Variants in MPP7 observed in about 807,000 individuals in gnomAD.
MPP7 encodes the protein MAGUK p55 subfamily member 7.
A neutral mutation model predicts 76.5 loss-of-function variants in MPP7; 60 were observed. That is an observed-to-expected ratio of 0.78 (90% CI 0.64 to 0.97). The LOEUF (loss-of-function observed/expected upper bound fraction) is 0.97. Among genes scored for constraint, MPP7 ranks in the 50% least tolerant of loss-of-function variants. MPP7 has a pLI of 0.00. For missense variants in MPP7, 641 were observed against 694.0 expected (o/e 0.92, Z 0.86); for synonymous variants, 237 against 244.5 (o/e 0.97, Z 0.29).
At chr10:28,120,975 C>A (rs1009680992) in intron 8 of MPP7, among the ~76,000 whole-genome samples, 2 of 152,134 alleles carry the variant, frequency 1.3e-5, no homozygotes, top group Admixed American at 6.5e-5. Flanking sequence ...AAAATATGCA[C>A]AACACCTTAA....
At chr10:28,334,031 A>G (rs116401091) in intron 1 of MPP7, among the ~76,000 whole-genome samples, 1,692 of 152,194 alleles carry the variant, frequency 0.011, 37 homozygotes, top group African/African-American at 0.039. Context: ...TGTCTCTAGT[A>G]AAACAAAAAA....
At chr10:28,283,495 C>T (rs12355677) in intron 1 of MPP7, among the ~76,000 whole-genome samples, 14,911 of 152,006 alleles carry the variant, frequency 0.098, 926 homozygotes, top group South Asian at 0.16. Flanking sequence ...CAAGTTCATA[C>T]CACTCTATTA....
chr10:28,192,689 T>A (rs1409519485), intron 3 of MPP7, among the ~76,000 whole-genome samples: 4 of 152,206 alleles, frequency 2.6e-5, no homozygotes, highest in Non-Finnish European at 5.9e-5. Context: ...TACTAAGATG[T>A]CATCTCTTCA....
intron 3 of MPP7, among the ~76,000 whole-genome samples, chr10:28,152,449 T>C (rs925001013): frequency 6.6e-6 from 1 of 152,178 alleles, no homozygotes; most frequent in African/African-American, 2.4e-5. Context: ...CTATTTATGA[T>C]AACCAAAAGA....
intron 2 of MPP7, among the ~76,000 whole-genome samples, chr10:28,316,070 G>C (rs926261996): frequency 2.6e-5 from 4 of 152,154 alleles, no homozygotes; most frequent in African/African-American, 9.7e-5. Flanking sequence ...ATAGTTTAAA[G>C]AGACATGACA....
intron 12 of MPP7, among the ~76,000 whole-genome samples, chr10:28,086,430 T>C (rs1191381834): frequency 6.6e-6 from 1 of 152,194 alleles, no homozygotes; most frequent in Non-Finnish European, 1.5e-5. Context: ...ACAGGGCAAC[T>C]GAAGTGCATA....
intron 1 of MPP7, among the ~76,000 whole-genome samples, chr10:28,239,647 C>T (rs914317212): frequency 6.6e-6 from 1 of 152,098 alleles, no homozygotes; most frequent in East Asian, 1.9e-4. Context: ...AAAAACTAAC[C>T]TTTGCTTTAT....
At chr10:28,121,475 A>T (rs1390978105) in intron 8 of MPP7, among the ~76,000 whole-genome samples, 1 of 152,072 alleles carries the variant, frequency 6.6e-6, no homozygotes, top group Non-Finnish European at 1.5e-5. Flanking sequence ...TATCCAACGT[A>T]ATAGATTAAT....
intron 2 of MPP7, among the ~76,000 whole-genome samples, chr10:28,208,820 T>C (rs1838032799): frequency 6.6e-6 from 1 of 152,192 alleles, no homozygotes; most frequent in African/African-American, 2.4e-5. Flanking sequence ...TTTATGTATG[T>C]ACATATGAGG....
chr10:28,158,562 T>A (rs1355001031), intron 3 of MPP7, among the ~76,000 whole-genome samples: 3 of 152,196 alleles, frequency 2.0e-5, no homozygotes, highest in African/African-American at 7.2e-5. Context: ...GCAGACTAGC[T>A]GATTTTCCTT....
At chr10:28,205,719 G>A (rs1007890980) in intron 2 of MPP7, among the ~76,000 whole-genome samples, 2 of 152,096 alleles carry the variant, frequency 1.3e-5, no homozygotes, top group African/African-American at 4.8e-5. Flanking sequence ...CAAGGGAAGT[G>A]GTCAATTCCT....
rs145582583 is a variant in MPP7, at chr10:28,203,949, C to T, written c.38-1678G>A. Among the ~76,000 whole-genome samples the T allele has an allele frequency of 4.1e-3, 627 of 152,304 alleles. 4 individuals carry two copies. The highest frequency in any genetic ancestry group is 0.014 in the African/African-American group (593 of 41,574). The stretch of plus-strand genomic sequence containing the variant: ...CACATAAAAAGTACTCAATACATTT[C>T]ACATGAAACTCAGTAAGTTTCAGCT... On this transcript the variant is annotated intron_variant, in intron 2 of 16. Transcript: ENST00000683449.
chr10:28,313,853 A>ATTTTTTTTTT (rs1192149562), intron 2 of MPP7, among the ~76,000 whole-genome samples: 1 of 32,676 alleles, frequency 3.1e-5, no homozygotes, highest in African/African-American at 1.6e-4. Context: ...TACCTGGCTA[A>ATTTTTTTTTT]TTTTTTTTTT....
intron 6 of MPP7, among the ~76,000 whole-genome samples, chr10:28,128,549 G>A (rs1187125496): frequency 6.6e-6 from 1 of 152,098 alleles, no homozygotes; most frequent in Admixed American, 6.5e-5. Flanking sequence ...TATTATTGGT[G>A]GAGTCTAAAG....
rs559073364 is a variant in MPP7, at chr10:28,086,998, C to T, written c.1123+2673G>A. On this transcript the variant is annotated intron_variant, in intron 12 of 16. Coordinates refer to ENST00000683449, the MANE Select transcript of MPP7 (RefSeq NM_001318170.2). ...CTCTAGCTATAGTCTCGATGTTTGT[C>T]CCCCCAAATTGCGTGTTGAAATTTG... Among the ~76,000 whole-genome samples the T allele has an allele frequency of 2.6e-5, 4 of 152,162 alleles. No individual in the cohort carries two copies. The South Asian group carries it at 8.3e-4, about 32-fold the overall frequency.
At chr10:28,164,702 G>A (rs113511630) in intron 3 of MPP7, among the ~76,000 whole-genome samples, 3 of 151,762 alleles carry the variant, frequency 2.0e-5, no homozygotes, top group African/African-American at 7.3e-5. Context: ...TATCATTAGT[G>A]TTAGTGTTTT....
At chr10:28,227,883 G>C (rs987277111) in intron 2 of MPP7, among the ~76,000 whole-genome samples, 7 of 152,120 alleles carry the variant, frequency 4.6e-5, no homozygotes, top group Non-Finnish European at 8.8e-5. Flanking sequence ...CCAGATCTTT[G>C]AGAAATCGCC....
At chr10:28,263,969 G>A (rs1454765038) in intron 1 of MPP7, among the ~76,000 whole-genome samples, 1 of 152,134 alleles carries the variant, frequency 6.6e-6, no homozygotes, top group Non-Finnish European at 1.5e-5. Flanking sequence ...AAGAAAGTTT[G>A]AGAGATAGGC....
At chr10:28,306,996 G>A (rs1044768741), upstream of MPP7, among the ~76,000 whole-genome samples, 2 of 152,142 alleles carry the variant, frequency 1.3e-5, no homozygotes, top group African/African-American at 4.8e-5. Context: ...TAAATCACCT[G>A]CCTAACCCTA....
Sources: gnomAD v4.1 joint callset for allele counts (sites outside exome capture counted in the v4.1 genomes callset) on GRCh38, gnomAD v4.1.1 for gene constraint, MANE v1.5 for transcripts, NCBI Gene and HGNC (gene_info 2026-07-23, HGNC 2026-07-21) for gene names.